C14orf39: variants seen among roughly 807,000 people sequenced by gnomAD.
C14orf39 encodes protein SIX6OS1.
A neutral mutation model predicts 85.6 loss-of-function variants in C14orf39; 66 were observed. The observed-to-expected ratio is 0.77, with a 90% CI of 0.63 to 0.95. The LOEUF (loss-of-function observed/expected upper bound fraction) is 0.95, where lower values mean the gene tolerates loss of function less well. Among genes scored for constraint, C14orf39 ranks in the 40% least tolerant of loss-of-function variants. C14orf39 has a pLI of 0.00. For synonymous variants in C14orf39, 242 were observed against 214.0 expected (o/e 1.13, Z -1.14); for missense variants, 735 against 663.9 (o/e 1.11, Z -1.18).
chr14:60,444,770 G>T (rs1890682508), intron 16 of C14orf39, among the ~76,000 whole-genome samples: 1 of 152,156 alleles, frequency 6.6e-6, no homozygotes, highest in African/African-American at 2.4e-5. Flanking sequence ...AGATTGAAAT[G>T]AAGGAAACAA....
intron 5 of C14orf39, 79 bp from the exon 6 acceptor site, chr14:60,471,818 T>G (rs1335753992): frequency 5.0e-6 from 4 of 806,492 alleles, no homozygotes; most frequent in Non-Finnish European, 7.6e-6. Flanking sequence ...TAAAGTCTAC[T>G]AAACATAAAA....
chr14:60,451,460 T>G lies in C14orf39; in HGVS notation c.1503+3541A>C, dbSNP rs375422538. On this transcript the variant is annotated intron_variant, in intron 16 of 17. Coordinates refer to ENST00000321731, the MANE Select transcript of C14orf39 (RefSeq NM_174978.3). ...AACCCAAATTCCATCAATTATAGACTGAATTAAGAAAATGTGGCACATATA... is the reference window on the plus strand; with the variant it reads ...AACCCAAATTCCATCAATTATAGACGGAATTAAGAAAATGTGGCACATATA... Among the ~76,000 whole-genome samples, 21 of 152,190 alleles carry G rather than the reference T, an allele frequency of 1.4e-4. 1 individual carries two copies. The highest frequency in any genetic ancestry group is 1.2e-3 in the Admixed American group (19 of 15,280).
At chr14:60,451,374 A>G (rs1167214783) in intron 16 of C14orf39, among the ~76,000 whole-genome samples, 2 of 152,188 alleles carry the variant, frequency 1.3e-5, no homozygotes, top group Non-Finnish European at 2.9e-5. Flanking sequence ...ATGCTACTAT[A>G]AAGACACATG....
chr14:60,472,009 G>A (rs1048266276), intron 5 of C14orf39, among the ~76,000 whole-genome samples: 1 of 151,750 alleles, frequency 6.6e-6, no homozygotes, highest in Non-Finnish European at 1.5e-5. Context: ...TCTTCCCAAG[G>A]TCACCAATGA....
chr14:60,485,104 A>C lies in C14orf39; in HGVS notation c.-8-18T>G. On this transcript the variant is annotated intron_variant, in intron 1 of 17. Coordinates refer to ENST00000321731, the MANE Select transcript of C14orf39 (RefSeq NM_174978.3). Reference sequence around the variant, plus strand: ...CTTGGATACTATGTTAAATGAAAAAAAAAATTATAAGATTTTCTGAAGTCG... The same window carrying C: ...CTTGGATACTATGTTAAATGAAAAACAAAATTATAAGATTTTCTGAAGTCG... 2.5e-6 allele frequency: 4 copies of C among 1,582,130 alleles called. No individual in the cohort carries two copies. The highest frequency in any genetic ancestry group is 3.4e-6 in the Non-Finnish European group (4 of 1,169,042).
intron 1 of C14orf39, chr14:60,509,888 G>A (rs750655249): frequency 6.2e-7 from 1 of 1,613,210 alleles, no homozygotes; most frequent in Non-Finnish European, 8.5e-7. Flanking sequence ...GCTCGCCCAG[G>A]CAACCGGACT....
chr14:60,455,191 C>A (rs779435390), intron 15 of C14orf39, 46 bp from the exon 16 acceptor site: 1 of 1,353,066 alleles, frequency 7.4e-7, no homozygotes, highest in Non-Finnish European at 1.0e-6. Flanking sequence ...TATTATTAAA[C>A]ACTGAATACT....
intron 13 of C14orf39, 70 bp from the exon 14 acceptor site, chr14:60,458,809 A>G: frequency 3.1e-6 from 4 of 1,303,430 alleles, no homozygotes; most frequent in African/African-American, 1.5e-5. Context: ...TAGTCTCGCC[A>G]TTTGAAATTG....
At chr14:60,504,332 T>C (rs1048738137) in intron 1 of C14orf39, among the ~76,000 whole-genome samples, 6 of 152,260 alleles carry the variant, frequency 3.9e-5, no homozygotes, top group African/African-American at 1.4e-4. Context: ...TTACTACACA[T>C]GTAATACAAA....
intron 14 of C14orf39, 39 bp from the exon 15 acceptor site, chr14:60,457,134 C>T (rs556285829): frequency 1.5e-6 from 2 of 1,350,452 alleles, no homozygotes; most frequent in African/African-American, 1.5e-5. Flanking sequence ...AAAACAAATG[C>T]TGCTGCATTA....
Position 60,439,937 on chromosome 14 carries a change from T to A in C14orf39, c.1561+2137A>T, listed in dbSNP as rs146140624. 6.8e-4 allele frequency among the ~76,000 whole-genome samples: 104 copies of A among 152,214 alleles called. No homozygotes were observed. In the East Asian group the frequency reaches 0.018, roughly 26 times the overall value. Reference sequence around the variant, plus strand: ...AAAAATACAAAAAATTAGCTGGGCATGGTGCTGGGCGCCTGTAATCCCAGC... The same window carrying A: ...AAAAATACAAAAAATTAGCTGGGCAAGGTGCTGGGCGCCTGTAATCCCAGC... On this transcript the variant is annotated intron_variant, in intron 17 of 17. Coordinates refer to ENST00000321731, the MANE Select transcript of C14orf39 (RefSeq NM_174978.3).
At position 60,461,363 on chromosome 14, in the gene C14orf39, C is replaced by CT. The variant is rs1491082091; in HGVS notation, c.1107dup (p.Gly370ArgfsTer3). 6.2e-7 allele frequency: 1 copy of CT among 1,610,778 alleles called. No individual in the cohort carries two copies. The highest frequency in any genetic ancestry group is 8.5e-7 in the Non-Finnish European group (1 of 1,178,108). On this transcript the variant is annotated frameshift_variant, in exon 13 of 18. Coordinates refer to ENST00000321731, the MANE Select transcript of C14orf39 (RefSeq NM_174978.3). LOFTEE classifies it high-confidence loss of function. Reference sequence around the variant, plus strand: ...TATAAACGGCAAATACCTTTATCCCCTTTTTCCGACCACTGATTGGAATTT... The same window carrying CT: ...TATAAACGGCAAATACCTTTATCCCCTTTTTTCCGACCACTGATTGGAATTT...
Position 60,469,629 on chromosome 14 carries a change from T to C in C14orf39, c.579A>G (p.Gln193=). 3 of 1,455,248 alleles carry C rather than the reference T, an allele frequency of 2.1e-6. No homozygotes were observed. Among genetic ancestry groups the C allele is most frequent in the Admixed American group, 4.0e-5 (2 of 49,876 alleles). The allele number at this position is 1,455,248 out of a possible 1,614,324, so 90.1% of individuals were successfully genotyped here. ...GATTGCTGGCATGTTTAAGAATATCTTGTGTTTCACATCTCAAATTAACAC... is the reference window on the plus strand; with the variant it reads ...GATTGCTGGCATGTTTAAGAATATCCTGTGTTTCACATCTCAAATTAACAC... ...LNIVNLRCET[Q]DILKHASNLT... The change falls in exon 8 of 18, where the codon CAA becomes CAG. Residue 193 remains glutamine (Q), a synonymous_variant. Coordinates refer to ENST00000321731, the MANE Select transcript of C14orf39 (RefSeq NM_174978.3).
intron 2 of C14orf39, chr14:60,493,625 A>C (rs1202077624): frequency 6.6e-6 from 1 of 152,218 alleles, no homozygotes; most frequent in Non-Finnish European, 1.5e-5. Flanking sequence ...TGTTGGTATA[A>C]ATTTTTATTT....
intron 2 of C14orf39, among the ~76,000 whole-genome samples, chr14:60,492,216 T>A (rs1893000308): frequency 6.6e-6 from 1 of 152,208 alleles, no homozygotes; most frequent in South Asian, 2.1e-4. Context: ...AGTAAAGACC[T>A]TCCACAGGAA....
chr14:60,454,599 T>C (rs570429971), intron 16 of C14orf39, among the ~76,000 whole-genome samples: 1 of 152,146 alleles, frequency 6.6e-6, no homozygotes, highest in East Asian at 1.9e-4. Flanking sequence ...GAAACCAATA[T>C]TAGGTCTTTT....
intron 11 of C14orf39, 52 bp from the exon 12 acceptor site, chr14:60,461,645 T>A (rs1891542425): frequency 8.0e-7 from 1 of 1,244,384 alleles, no homozygotes; most frequent in South Asian, 1.7e-5. Flanking sequence ...CAATAAAAAT[T>A]TTTTGCTTGT....
chr14:60,508,943 T>A, intron 1 of C14orf39: 1 of 190,702 alleles, frequency 5.2e-6, no homozygotes, highest in Non-Finnish European at 1.1e-5. Context: ...GCCTCTCTTT[T>A]TCTCCCAGAC....
In C14orf39 at chr14:60,483,719, T is replaced by G. The variant is rs781242977; in HGVS notation, c.205A>C (p.Ser69Arg). 19 of 1,597,650 alleles carry G rather than the reference T, an allele frequency of 1.2e-5. No homozygotes were observed. In the South Asian group the frequency reaches 2.0e-4, roughly 17 times the overall value. ...CTACAGTTGTCTTTAATCTCCTCAC[T>G]ATGTTTACAGTAATGATCAATTTCC... Reference protein sequence around the residue: ...DEEIDHYCKHSEEIKDNCRNW... With the variant: ...DEEIDHYCKHREEIKDNCRNW... Residue 69 changes from serine to arginine, a missense_variant, in exon 4 of 18, where the codon AGT becomes CGT. By Grantham distance (110) the Ser-to-Arg change is moderately radical. Transcript: ENST00000321731.
Sources: allele counts gnomAD v4.1 joint callset (sites outside exome capture counted in the v4.1 genomes callset), GRCh38; gene constraint gnomAD v4.1.1; transcripts MANE v1.5; gene names NCBI Gene and HGNC (gene_info 2026-07-23, HGNC 2026-07-21).